Variants in CFAP90 observed in about 807,000 individuals in gnomAD.
CFAP90 encodes cilia and flagella associated protein 90.
At chr5:7,831,092 T>C in the CFAP90 span, 1 of 152,214 alleles carries the variant, frequency 6.6e-6, no homozygotes, top group Admixed American at 6.5e-5. Flanking sequence ...GTAGATGATA[T>C]GACTTGCCCT....
chr5:7,832,395 C>G, the CFAP90 span, among the ~76,000 whole-genome samples: 1 of 152,186 alleles, frequency 6.6e-6, no homozygotes, highest in African/African-American at 2.4e-5. Flanking sequence ...GACCCCTCCC[C>G]TCCCCAGCTC....
At chr5:7,850,818 G>T in the CFAP90 span, 7 of 974,976 alleles carry the variant, frequency 7.2e-6, no homozygotes, top group South Asian at 4.7e-5. Context: ...CCGCCCAGCC[G>T]CCCAGCCGCC....
the CFAP90 span, among the ~76,000 whole-genome samples, chr5:7,837,020 G>C: frequency 6.6e-6 from 1 of 152,100 alleles, no homozygotes; most frequent in Non-Finnish European, 1.5e-5. Context: ...CCTCTCTTGA[G>C]AGATAAAAGT....
chr5:7,831,904 C>T, the CFAP90 span: 10 of 1,614,106 alleles, frequency 6.2e-6, no homozygotes, highest in Admixed American at 1.3e-4. Flanking sequence ...GGATGTCGTT[C>T]TTCCTGTAGA....
the CFAP90 span, among the ~76,000 whole-genome samples, chr5:7,833,733 A>C: frequency 2.0e-5 from 3 of 151,586 alleles, no homozygotes; most frequent in African/African-American, 7.3e-5. Flanking sequence ...GATGGATCTC[A>C]TATACGACGG....
the CFAP90 span, chr5:7,850,772 GGCCGCCCGCCCCTGCCCAGCCGCCCA>G: frequency 1.9e-6 from 2 of 1,040,394 alleles, no homozygotes; most frequent in Non-Finnish European, 2.3e-6. Context: ...GCCCCTCCGC[GGCCGCCCGCCCCTGCCCAGCCGCCCA>G]GCCGCCCAGC....
At chr5:7,833,338 A>G in the CFAP90 span, among the ~76,000 whole-genome samples, 1 of 151,394 alleles carries the variant, frequency 6.6e-6, no homozygotes, top group South Asian at 2.1e-4. Flanking sequence ...ATATACACAC[A>G]TGTGCATGAT....
chr5:7,839,536 T>C, the CFAP90 span, among the ~76,000 whole-genome samples: 2 of 152,248 alleles, frequency 1.3e-5, no homozygotes, highest in Non-Finnish European at 2.9e-5. Context: ...TGAGAAAGGA[T>C]ATGTTCATTC....
At chr5:7,832,618 G>T in the CFAP90 span, among the ~76,000 whole-genome samples, 1 of 152,168 alleles carries the variant, frequency 6.6e-6, no homozygotes, top group Non-Finnish European at 1.5e-5. Flanking sequence ...CTCCCGAGTA[G>T]CTGGGATTAC....
the CFAP90 span, among the ~76,000 whole-genome samples, chr5:7,840,144 A>G: frequency 6.6e-6 from 1 of 152,218 alleles, no homozygotes; most frequent in Admixed American, 6.5e-5. Context: ...AAAAAAAAGC[A>G]AAACAAAATA....
the CFAP90 span, chr5:7,832,026 G>C: frequency 1.2e-6 from 2 of 1,603,758 alleles, no homozygotes; most frequent in South Asian, 2.2e-5. Flanking sequence ...GGCCTCTCCT[G>C]TTCCTGGTGA....
chr5:7,831,894 G>A, the CFAP90 span: 1 of 1,613,986 alleles, frequency 6.2e-7, no homozygotes, highest in African/African-American at 1.3e-5. Context: ...TTGAGGCTGG[G>A]GATGTCGTTC....
chr5:7,847,433 T>C, the CFAP90 span, among the ~76,000 whole-genome samples: 4 of 112,162 alleles, frequency 3.6e-5, no homozygotes, highest in African/African-American at 1.4e-4. Flanking sequence ...AAGGTAGTGA[T>C]ACATTAGAGC....
the CFAP90 span, chr5:7,850,783 CCT>C: frequency 8.8e-7 from 1 of 1,139,518 alleles, no homozygotes; most frequent in Non-Finnish European, 1.1e-6. Context: ...GCCGCCCGCC[CCT>C]GCCCAGCCGC....
At chr5:7,831,804 C>A in the CFAP90 span, 1 of 1,563,544 alleles carries the variant, frequency 6.4e-7, no homozygotes, top group Non-Finnish European at 8.7e-7. Flanking sequence ...TGCAAACTTG[C>A]CAGGCCACAG....
the CFAP90 span, among the ~76,000 whole-genome samples, chr5:7,833,742 G>A: frequency 1.3e-5 from 2 of 152,204 alleles, no homozygotes; most frequent in East Asian, 1.9e-4. Flanking sequence ...CATATACGAC[G>A]GTAGTCCCGT....
At chr5:7,850,250 C>G in the CFAP90 span, among the ~76,000 whole-genome samples, 20,649 of 152,022 alleles carry the variant, frequency 0.14, 1,509 homozygotes, top group Middle Eastern at 0.18. Context: ...GTCTCCCCAG[C>G]TGACCCTGCC....
chr5:7,847,188 T>C, the CFAP90 span, among the ~76,000 whole-genome samples: 50,338 of 151,998 alleles, frequency 0.33, 8,634 homozygotes, highest in Admixed American at 0.46. Flanking sequence ...ATTATTACCA[T>C]TGGTAGCTAT....
At chr5:7,849,305 T>C in the CFAP90 span, among the ~76,000 whole-genome samples, 48 of 152,166 alleles carry the variant, frequency 3.2e-4, no homozygotes, top group African/African-American at 1.1e-3. Context: ...GAAGGGGAAT[T>C]TATTTAGGGT....
Sources: allele counts gnomAD v4.1 joint callset (sites outside exome capture counted in the v4.1 genomes callset), GRCh38; gene constraint gnomAD v4.1.1; transcripts MANE v1.5; gene names NCBI Gene and HGNC (gene_info 2026-07-23, HGNC 2026-07-21).